RHOG: variants seen among roughly 807,000 people sequenced by gnomAD.
RHOG encodes rho-related GTP-binding protein RhoG.
RHOG carries 1 observed loss-of-function variant against 12.3 expected under a neutral mutation model. The ratio of observed to expected loss-of-function variants is 0.08; its 90% CI spans 0.03 to 0.39. The LOEUF is 0.39. Among genes scored for constraint, RHOG ranks in the 10% least tolerant of loss-of-function variants. The probability of loss-of-function intolerance (pLI) is 0.99; values close to 1 mark genes in which losing one functional copy is unlikely to be tolerated. For missense variants in RHOG, 114 were observed against 266.2 expected (o/e 0.43, Z 3.98); for synonymous variants, 129 against 116.0 (o/e 1.11, Z -0.72).
chr11:3,837,482 G>A (rs1320686072), intron 1 of RHOG, among the ~76,000 whole-genome samples: 2 of 152,190 alleles, frequency 1.3e-5, no homozygotes, highest in Non-Finnish European at 2.9e-5. Context: ...AGACACAAGG[G>A]CCCAGAGTGA....
At chr11:3,836,368 A>AAG (rs1453098169) in intron 1 of RHOG, among the ~76,000 whole-genome samples, 1 of 101,382 alleles carries the variant, frequency 9.9e-6, no homozygotes, top group Non-Finnish European at 2.5e-5. Flanking sequence ...AAAAAAAAAA[A>AAG]AAAAAGAAAG....
chr11:3,829,713 A>G (rs954337826), intron 1 of RHOG, among the ~76,000 whole-genome samples: 2 of 151,958 alleles, frequency 1.3e-5, no homozygotes, highest in African/African-American at 2.4e-5. Flanking sequence ...CCCAGACATT[A>G]GTATCTTCTC....
rs747855563 is a variant in RHOG at position 3,828,016 on chromosome 11, G to A, written c.123C>T (p.Ser41=). Residue 41 remains serine (S), a synonymous_variant, in exon 2 of 2, where the codon AGC becomes AGT. Coordinates refer to ENST00000351018, the MANE Select transcript of RHOG (RefSeq NM_001665.4). ...EYIPTVFDNY[S]AQSAVDGRTV... is the part of the protein sequence containing the mutation. Reference sequence around the variant, plus strand: ...TGCGCCCGTCAACTGCGCTCTGCGCGCTGTAATTGTCGAACACGGTGGGGA... The same window carrying A: ...TGCGCCCGTCAACTGCGCTCTGCGCACTGTAATTGTCGAACACGGTGGGGA... 47 of 1,614,156 alleles carry A rather than the reference G, an allele frequency of 2.9e-5. No homozygotes were observed. The highest frequency in any genetic ancestry group is 1.3e-4 in the East Asian group (6 of 44,894).
intron 1 of RHOG, among the ~76,000 whole-genome samples, chr11:3,837,054 G>C (rs150581912): frequency 1.3e-5 from 2 of 151,996 alleles, no homozygotes; most frequent in Non-Finnish European, 2.9e-5. Context: ...CAGCTCAGCA[G>C]TCCCTGGGCC....
In RHOG at chr11:3,828,163, G is replaced by C; in HGVS notation, c.-25C>G. ...TCGTGGGTGCAGTTGCTGTAGTGGA[G>C]GCAGTGCCTCCTCTCTCTTCTGGAC... On this transcript the variant is annotated 5_prime_UTR_variant, in exon 2 of 2. Transcript: ENST00000351018. 1 of 1,596,110 alleles carries C rather than the reference G, an allele frequency of 6.3e-7. No homozygotes were observed. Among genetic ancestry groups the C allele is most frequent in the Non-Finnish European group, 8.6e-7 (1 of 1,167,416 alleles).
intron 1 of RHOG, among the ~76,000 whole-genome samples, chr11:3,831,433 C>T (rs926815979): frequency 6.0e-5 from 9 of 150,280 alleles, no homozygotes; most frequent in Admixed American, 2.0e-4. Flanking sequence ...TGTGTTTGTG[C>T]GCGTGCACGT....
At chr11:3,828,868 C>T (rs2090108915) in intron 1 of RHOG, among the ~76,000 whole-genome samples, 1 of 151,922 alleles carries the variant, frequency 6.6e-6, no homozygotes, top group African/African-American at 2.4e-5. Context: ...GATCCGCCCG[C>T]CTTGGCCTCC....
Position 3,828,185 on chromosome 11 carries a change from G to A in RHOG, c.-47C>T. ...GGAGGCAGTGCCTCCTCTCTCTTCT[G>A]GACCCCTCTGGCTGCAGTGACCTGT... On this transcript the variant is annotated 5_prime_UTR_variant, in exon 2 of 2. Coordinates refer to ENST00000351018, the MANE Select transcript of RHOG (RefSeq NM_001665.4). The A allele has an allele frequency of 5.9e-6, 9 of 1,536,004 alleles. No homozygotes were observed. The highest frequency in any genetic ancestry group is 1.2e-5 in the South Asian group (1 of 85,680).
chr11:3,833,467 T>A (rs2090141315), intron 1 of RHOG, among the ~76,000 whole-genome samples: 1 of 152,216 alleles, frequency 6.6e-6, no homozygotes, highest in Admixed American at 6.5e-5. Flanking sequence ...TCTGGCTTTT[T>A]AGTCCCAATT....
In RHOG at chr11:3,828,224, G is replaced by C; in HGVS notation, c.-68-18C>G. The C allele has an allele frequency of 1.6e-6, 2 of 1,280,564 alleles. No homozygotes were observed. The highest frequency in any genetic ancestry group is 2.8e-5 in the South Asian group (2 of 72,104). The allele number at this position is 1,280,564 out of a possible 1,614,324, so 79.3% of individuals were successfully genotyped here. A position where few individuals can be genotyped will look rare whatever the true frequency, so the allele number is the denominator to read the frequency against. ...GCAGTGACCTGTGGACAGATGAAAG[G>C]GGACATTCTTGGTTAGGGAGGCCTC... On this transcript the variant is annotated intron_variant, in intron 1 of 1. Transcript: ENST00000351018.
At chr11:3,839,485 AACACACACACACACAC>A (rs71041402) in intron 1 of RHOG, among the ~76,000 whole-genome samples, 45 of 141,996 alleles carry the variant, frequency 3.2e-4, no homozygotes, top group Middle Eastern at 3.6e-3. Flanking sequence ...CGCGCGCGCG[AACACACACACACACAC>A]ACACACACAC....
At chr11:3,836,049 C>G (rs2090153605) in intron 1 of RHOG, among the ~76,000 whole-genome samples, 1 of 96,980 alleles carries the variant, frequency 1.0e-5, no homozygotes, top group South Asian at 3.6e-4. Context: ...CAGTTCCTAG[C>G]CTTAAAAAAA....
chr11:3,838,921 A>T (rs1019937202), intron 1 of RHOG, among the ~76,000 whole-genome samples: 4 of 152,130 alleles, frequency 2.6e-5, no homozygotes, highest in African/African-American at 7.2e-5. Context: ...GGGAGTATTA[A>T]GGATGCCTGA....
intron 1 of RHOG, chr11:3,840,577 A>C (rs1054945022): frequency 6.9e-6 from 1 of 145,724 alleles, no homozygotes; most frequent in African/African-American, 2.6e-5. Flanking sequence ...CCTGCGTCCG[A>C]TCTCCCAGCT....
At chr11:3,830,655 C>CA (rs56236070) in intron 1 of RHOG, 12,649 of 138,914 alleles carry the variant, frequency 0.091, 1,678 homozygotes, top group African/African-American at 0.3. Flanking sequence ...GACCCTGTCT[C>CA]AAAAAAAAAA....
Position 3,827,447 on chromosome 11 carries a change from A to G in RHOG, c.*116T>C, listed in dbSNP as rs925858589. 2.8e-5 allele frequency: 22 copies of G among 799,954 alleles called. No individual in the cohort carries two copies. Among genetic ancestry groups the G allele is most frequent in the Non-Finnish European group, 3.3e-5 (17 of 510,544 alleles). The allele number at this position is 799,954 out of a possible 1,614,324, so 49.6% of individuals were successfully genotyped here. A position where few individuals can be genotyped will look rare whatever the true frequency, so the allele number is the denominator to read the frequency against. On this transcript the variant is annotated 3_prime_UTR_variant, in exon 2 of 2. Transcript: ENST00000351018. The surrounding 1 kb of genome is among the most constrained non-coding windows in gnomAD (Gnocchi z 7.3). ...CACTCAGAGAAAAAGGCATTCAGGG[A>G]ACCCCCTGGAAAGGGGTGCCAGAAT...
At chr11:3,834,809 T>C (rs922218997) in intron 1 of RHOG, among the ~76,000 whole-genome samples, 5 of 152,104 alleles carry the variant, frequency 3.3e-5, no homozygotes, top group South Asian at 2.1e-4. Flanking sequence ...TCTTAAAAGA[T>C]AGGCGAGTAT....
At position 3,827,462 on chromosome 11, in the gene RHOG, G is replaced by C. The variant is rs1361095587; in HGVS notation, c.*101C>G. ...GCATTCAGGGAACCCCCTGGAAAGG[G>C]GTGCCAGAATTAGTCCTTAAGGCAC... On this transcript the variant is annotated 3_prime_UTR_variant, in exon 2 of 2. Transcript: ENST00000351018. The surrounding 1 kb of genome is among the most constrained non-coding windows in gnomAD (Gnocchi z 7.3). The C allele has an allele frequency of 2.2e-5, 20 of 928,572 alleles. No individual in the cohort carries two copies. The highest frequency in any genetic ancestry group is 4.8e-6 in the Non-Finnish European group (3 of 620,354). The allele number at this position is 928,572 out of a possible 1,614,324, so 57.5% of individuals were successfully genotyped here.
intron 1 of RHOG, among the ~76,000 whole-genome samples, chr11:3,828,804 T>G (rs1339145010): frequency 2.6e-5 from 4 of 151,650 alleles, no homozygotes; most frequent in South Asian, 4.2e-4. Context: ...GTATTTTTAG[T>G]AGAGATGGGG....
Sources: allele counts gnomAD v4.1 joint callset (sites outside exome capture counted in the v4.1 genomes callset), GRCh38; gene constraint gnomAD v4.1.1; non-coding constraint Gnocchi (gnomAD v3.1); transcripts MANE v1.5; gene names NCBI Gene and HGNC (gene_info 2026-07-23, HGNC 2026-07-21).